Variants in ZNF845 observed in about 807,000 individuals in gnomAD.
ZNF845 encodes zinc finger protein 845.
In ZNF845, 59 loss-of-function variants were observed where a neutral mutation model predicts 76.1. The observed-to-expected ratio is 0.78, with a 90% CI of 0.63 to 0.96. ZNF845 has a LOEUF of 0.96. ZNF845 is among the 40% of genes least tolerant of loss of function. The pLI, the probability that ZNF845 is intolerant of heterozygous loss-of-function variation, is 0.00. For missense variants in ZNF845, 1,045 were observed against 1,172.8 expected (o/e 0.89, Z 1.59); for synonymous variants, 361 against 386.9 (o/e 0.93, Z 0.78).
In ZNF845 at chr19:53,350,872, C is replaced by A. The variant is rs774544737; in HGVS notation, c.197C>A (p.Thr66Lys). ...TTCTCATCAACAGCACAAGGCAATA[C>A]AGAAGTGATCCACACAGGGACATTG... ...KEFSSTAQGN[T>K]EVIHTGTLQR... Residue 66 changes from threonine to lysine, a missense_variant, in exon 4 of 4, where the codon ACA (threonine) becomes AAA (lysine). Physicochemically the swap from Thr to Lys is moderately conservative, Grantham distance 78 (BLOSUM62 -1). Transcript: ENST00000458035. 1 of 1,613,970 alleles carries A rather than the reference C, an allele frequency of 6.2e-7. No individual in the cohort carries two copies. The highest frequency in any genetic ancestry group is 1.3e-5 in the African/African-American group (1 of 74,896).
Position 53,356,743 on chromosome 19 carries a change from C to G in ZNF845, c.*3155C>G, listed in dbSNP as rs990855245. On this transcript the variant is annotated 3_prime_UTR_variant, in exon 4 of 4. Coordinates refer to ENST00000458035, the MANE Select transcript of ZNF845 (RefSeq NM_138374.3). ...AGGAGATCGAGACCATCCTGGCTAA[C>G]ACGGTGAAACCCCGTCTCTACTAAA... 2 of 151,766 alleles carry G rather than the reference C, an allele frequency of 1.3e-5. No homozygotes were observed. The highest frequency in any genetic ancestry group is 3.9e-4 in the East Asian group (2 of 5,148). The allele number at this position is 151,766 out of a possible 1,614,324, so 9.4% of individuals were successfully genotyped here. A position where few individuals can be genotyped will look rare whatever the true frequency, so the allele number is the denominator to read the frequency against.
At chr19:53,340,359 G>C (rs905559962) in intron 1 of ZNF845, among the ~76,000 whole-genome samples, 2 of 152,126 alleles carry the variant, frequency 1.3e-5, no homozygotes, top group African/African-American at 4.8e-5. Flanking sequence ...GCCTCATCTC[G>C]TGGCTTTAAA....
chr19:53,340,162 A>C (rs2085245965), intron 1 of ZNF845, among the ~76,000 whole-genome samples: 2 of 152,198 alleles, frequency 1.3e-5, no homozygotes. Flanking sequence ...AGCGATTCTC[A>C]TGCCTCAGCC....
rs202236077 is a variant in ZNF845, at chr19:53,351,824, C to A, written c.1149C>A (p.Tyr383Ter). The stretch of plus-strand genomic sequence containing the variant: ...AAATTCATACTGGAGAGAAACCTTA[C>A]AAGTGTAATGAATGCAGCAGGACCT... ...HRKIHTGEKPYKCNECSRTFS... is the reference protein window; with the variant it reads ...HRKIHTGEKP Residue 383 changes from tyrosine (Y) to a stop codon, truncating the protein, a stop_gained, in exon 4 of 4, where the codon TAC becomes TAA. Coordinates refer to ENST00000458035, the MANE Select transcript of ZNF845 (RefSeq NM_138374.3). LOFTEE classifies it high-confidence loss of function. 638 of 1,613,594 alleles carry A rather than the reference C, an allele frequency of 4.0e-4. 1 individual carries two copies. Among genetic ancestry groups the A allele is most frequent in the Non-Finnish European group, 5.2e-4 (616 of 1,179,964 alleles).
At position 53,352,339 on chromosome 19, in the gene ZNF845, A is replaced by C. The variant is rs1345164777; in HGVS notation, c.1664A>C (p.Glu555Ala). The change falls in exon 4 of 4, where the codon GAG (glutamate) becomes GCG (alanine). Residue 555 changes from glutamate (E) to alanine (A), a missense_variant. Glu to Ala is a moderately radical substitution (Grantham distance 107). Transcript: ENST00000458035. ...GGAGAGAAACCTTACCAGTGTAATG[A>C]GTGTGGCAAAGCCTTTCGTGGGCAG... ...HTGEKPYQCN[E>A]CGKAFRGQSA... 6.2e-7 allele frequency: 1 copy of C among 1,613,900 alleles called. No individual in the cohort carries two copies. Among genetic ancestry groups the C allele is most frequent in the East Asian group, 2.2e-5 (1 of 44,852 alleles).
At chr19:53,341,400 T>C (rs3746310) in intron 2 of ZNF845, 78 bp downstream of exon 2, 384,584 of 1,595,132 alleles carry the variant, frequency 0.24, 48,130 homozygotes, top group African/African-American at 0.4. Flanking sequence ...GAATCTTCTC[T>C]GAGTCTGAAG....
intron 1 of ZNF845, among the ~76,000 whole-genome samples, chr19:53,338,223 G>A (rs2147030545): frequency 6.6e-6 from 1 of 152,214 alleles, no homozygotes; most frequent in East Asian, 1.9e-4. Flanking sequence ...AACTTCCTGT[G>A]GCTATTTATT....
At position 53,353,051 on chromosome 19, in the gene ZNF845, A is replaced by G. The variant is rs771252407; in HGVS notation, c.2376A>G (p.Gln792=). ...TTGGGCGTGATTCACACCTGGCACA[A>G]CATACTAGAATTCACACTGGAGAGA... The part of the protein sequence containing the change: ...KAFGRDSHLA[Q]HTRIHTGEKP... The change falls in exon 4 of 4, where the codon CAA becomes CAG. Residue 792 remains glutamine, a synonymous_variant. Transcript: ENST00000458035. 26 of 1,613,616 alleles carry G rather than the reference A, an allele frequency of 1.6e-5. No individual in the cohort carries two copies. Among genetic ancestry groups the G allele is most frequent in the Non-Finnish European group, 2.0e-5 (24 of 1,179,876 alleles).
chr19:53,347,323 C>T (rs1402894682), intron 3 of ZNF845, among the ~76,000 whole-genome samples: 1 of 149,486 alleles, frequency 6.7e-6, no homozygotes, highest in East Asian at 2.0e-4. Context: ...GTTGCCCAGG[C>T]TGGAGTGCAG....
At chr19:53,335,063 A>T (rs965710650) in intron 1 of ZNF845, among the ~76,000 whole-genome samples, 2 of 152,190 alleles carry the variant, frequency 1.3e-5, no homozygotes, top group African/African-American at 4.8e-5. Context: ...TAAAATTCCT[A>T]TCTATAAGAC....
At chr19:53,346,430 C>T (rs2085297306) in intron 3 of ZNF845, 3 of 389,806 alleles carry the variant, frequency 7.7e-6, no homozygotes, top group South Asian at 1.8e-5. Flanking sequence ...CCTGTAATCC[C>T]GGCACTTTGG....
In ZNF845 at chr19:53,351,778, C is replaced by T; in HGVS notation, c.1103C>T (p.Ser368Leu). 29 of 1,613,906 alleles carry T rather than the reference C, an allele frequency of 1.8e-5. No individual in the cohort carries two copies. Among genetic ancestry groups the T allele is most frequent in the Non-Finnish European group, 2.4e-5 (28 of 1,179,962 alleles). Reference protein sequence around the residue: ...EECDKAFSFKSNLERHRKIHT... With the variant: ...EECDKAFSFKLNLERHRKIHT... ...TGTGACAAAGCTTTCAGTTTCAAAT[C>T]AAACCTTGAAAGACATAGGAAAATT... The change falls in exon 4 of 4, where the codon TCA becomes TTA. Residue 368 changes from serine (S) to leucine (L), a missense_variant. Ser to Leu is a moderately radical substitution (Grantham distance 145). Transcript: ENST00000458035.
intron 1 of ZNF845, among the ~76,000 whole-genome samples, chr19:53,340,391 G>T (rs762835035): frequency 1.4e-4 from 22 of 152,202 alleles, no homozygotes; most frequent in Admixed American, 3.3e-4. Context: ...TGGCCCCATG[G>T]CCCCTGCAGA....
chr19:53,353,846 A>T lies in ZNF845; in HGVS notation c.*258A>T, dbSNP rs904448117. Reference sequence around the variant, plus strand: ...TGGTATAGGGAAACTTTACTAATGTAATGATTATCACAAAGTCTTCAGTAA... The same window carrying T: ...TGGTATAGGGAAACTTTACTAATGTTATGATTATCACAAAGTCTTCAGTAA... On this transcript the variant is annotated 3_prime_UTR_variant, in exon 4 of 4. Transcript: ENST00000458035. The T allele has an allele frequency of 7.5e-7, 1 of 1,338,108 alleles. No homozygotes were observed. The highest frequency in any genetic ancestry group is 1.5e-5 in the African/African-American group (1 of 68,080). 82.9% of individuals were successfully genotyped at this position (1,338,108 alleles called of 1,614,324 possible).
At chr19:53,338,694 G>GCACACA (rs57616883) in intron 1 of ZNF845, among the ~76,000 whole-genome samples, 3 of 140,350 alleles carry the variant, frequency 2.1e-5, no homozygotes, top group Non-Finnish European at 3.1e-5. Context: ...CAACACGTGA[G>GCACACA]CACACACACA....
chr19:53,342,888 G>A (rs949142887), intron 2 of ZNF845, among the ~76,000 whole-genome samples: 1 of 151,974 alleles, frequency 6.6e-6, no homozygotes, highest in South Asian at 2.1e-4. Context: ...GCATGATCTC[G>A]GCTCACTGCA....
At position 53,356,719 on chromosome 19, in the gene ZNF845, G is replaced by A. The variant is rs893736698; in HGVS notation, c.*3131G>A. On this transcript the variant is annotated 3_prime_UTR_variant, in exon 4 of 4. Transcript: ENST00000458035. ...CTAAGGTGGGCGGATCACGAGGTCAGGAGATCGAGACCATCCTGGCTAACA... is the reference window on the plus strand; with the variant it reads ...CTAAGGTGGGCGGATCACGAGGTCAAGAGATCGAGACCATCCTGGCTAACA... 1.3e-5 allele frequency: 2 copies of A among 152,070 alleles called. No individual in the cohort carries two copies. The highest frequency in any genetic ancestry group is 4.8e-5 in the African/African-American group (2 of 41,414). 9.4% of individuals were successfully genotyped at this position (152,070 alleles called of 1,614,324 possible).
intron 2 of ZNF845, 40 bp from the exon 3 acceptor site, chr19:53,345,466 C>T (rs781457378): frequency 4.3e-6 from 7 of 1,613,188 alleles, no homozygotes; most frequent in Non-Finnish European, 5.1e-6. Context: ...GATAAGAACT[C>T]CTCCCATAAC....
chr19:53,356,293 T>G lies in ZNF845; in HGVS notation c.*2705T>G, dbSNP rs1599996251. The G allele has an allele frequency of 9.3e-6, 1 of 108,078 alleles. No individual in the cohort carries two copies. Among genetic ancestry groups the G allele is most frequent in the Non-Finnish European group, 2.4e-5 (1 of 41,302 alleles). 6.7% of individuals were successfully genotyped at this position (108,078 alleles called of 1,614,324 possible). A position where few individuals can be genotyped will look rare whatever the true frequency, so the allele number is the denominator to read the frequency against. ...TGGCTCAGGCCTGTAATCCCAGCGG[T>G]TTTAGAGGCCCAGGCAGGTGGGTGA... On this transcript the variant is annotated 3_prime_UTR_variant, in exon 4 of 4. Coordinates refer to ENST00000458035, the MANE Select transcript of ZNF845 (RefSeq NM_138374.3).
Sources: gnomAD v4.1 joint callset for allele counts (sites outside exome capture counted in the v4.1 genomes callset) on GRCh38, gnomAD v4.1.1 for gene constraint, MANE v1.5 for transcripts, NCBI Gene and HGNC (gene_info 2026-07-23, HGNC 2026-07-21) for gene names.